The following RB1 variants were observed in gnomAD, a reference collection of about 807,000 sequenced individuals.
RB1 encodes the protein RB transcriptional corepressor 1, also known as retinoblastoma-associated protein.
A neutral mutation model predicts 135.4 loss-of-function variants in RB1; 18 were observed. The ratio of observed to expected loss-of-function variants is 0.13; its 90% confidence interval spans 0.09 to 0.20. The LOEUF is 0.20. Among genes scored for constraint, RB1 ranks in the 10% least tolerant of loss-of-function variants. The pLI is 1.00. For missense variants in RB1, 868 were observed against 1,110.0 expected (o/e 0.78, Z 3.10); for synonymous variants, 365 against 373.2 (o/e 0.98, Z 0.25).
rs570302701 is a variant in RB1 at position 48,397,550 on chromosome 13, G to T, written c.1695+16107G>T. On this transcript the variant is annotated intron_variant, in intron 17 of 26. Transcript: ENST00000267163. ...GGAAAAATACCTAATGTAGATGATG[G>T]GTTGATAGGTGCAGCAAACCACCAT... Among the ~76,000 whole-genome samples the T allele has an allele frequency of 4.6e-5, 7 of 152,082 alleles. No individual in the cohort carries two copies. In the East Asian group the frequency reaches 1.2e-3, roughly 25 times the overall value.
Position 48,463,833 on chromosome 13 carries a change from G to A in RB1, c.2209G>A (p.Glu737Lys), listed in dbSNP as rs587778868. Residue 737 changes from glutamate to lysine, a missense_variant and splice_region_variant, in exon 21 of 27, where the codon GAG becomes AAG. Physicochemically the swap from Glu to Lys is moderately conservative, Grantham distance 56 (BLOSUM62 1). Coordinates refer to ENST00000267163, the MANE Select transcript of RB1 (RefSeq NM_000321.3). ...CAAGGATCTTCCTCATGCTGTTCAG[G>A]AGGTAGGTAATTTTCCATAGTAAGT... Reference protein sequence around the residue: ...AYKDLPHAVQETFKRVLIKEE... With the variant: ...AYKDLPHAVQKTFKRVLIKEE... 1.9e-6 allele frequency: 3 copies of A among 1,584,172 alleles called. No individual in the cohort carries two copies. The highest frequency in any genetic ancestry group is 2.6e-6 in the Non-Finnish European group (3 of 1,153,124).
At chr13:48,394,002 C>T (rs529480158) in intron 17 of RB1, among the ~76,000 whole-genome samples, 3 of 152,284 alleles carry the variant, frequency 2.0e-5, no homozygotes, top group Non-Finnish European at 4.4e-5. Flanking sequence ...CAGCTGCCAG[C>T]GAGATCAACC....
intron 2 of RB1, among the ~76,000 whole-genome samples, chr13:48,326,820 T>G (rs1952291672): frequency 6.6e-6 from 1 of 152,104 alleles, no homozygotes; most frequent in Non-Finnish European, 1.5e-5. Context: ...TATTTTTTTT[T>G]GTCTGTGACT....
chr13:48,410,403 A>G (rs1042141932), intron 17 of RB1, among the ~76,000 whole-genome samples: 1 of 152,180 alleles, frequency 6.6e-6, no homozygotes, highest in Non-Finnish European at 1.5e-5. Context: ...GTAATAGTGT[A>G]TACCTTCTAG....
At chr13:48,367,705 T>C in intron 10 of RB1, 102 bp downstream of exon 10, 4 of 1,326,590 alleles carry the variant, frequency 3.0e-6, no homozygotes, top group Non-Finnish European at 4.1e-6. Context: ...AGATATCATT[T>C]ATAACAAATT....
At chr13:48,406,222 T>C (rs1196220991) in intron 17 of RB1, among the ~76,000 whole-genome samples, 1 of 152,124 alleles carries the variant, frequency 6.6e-6, no homozygotes, top group Non-Finnish European at 1.5e-5. Context: ...TATGTGTGTG[T>C]TAGATATTGC....
chr13:48,407,604 A>G (rs1948751652), intron 17 of RB1, among the ~76,000 whole-genome samples: 1 of 152,222 alleles, frequency 6.6e-6, no homozygotes, highest in East Asian at 1.9e-4. Context: ...TTGCTAAATA[A>G]GTAATGCTGT....
chr13:48,317,396 G>A (rs1370057081), intron 2 of RB1: 2 of 384,430 alleles, frequency 5.2e-6, no homozygotes, highest in Non-Finnish European at 9.5e-6. Flanking sequence ...CACGGGTTCC[G>A]GTGGGTGAAG....
At chr13:48,382,812 G>T (rs1948546010) in intron 17 of RB1, among the ~76,000 whole-genome samples, 1 of 152,048 alleles carries the variant, frequency 6.6e-6, no homozygotes, top group Non-Finnish European at 1.5e-5. Context: ...TTCTTCTAGG[G>T]TTTTTATGGT....
chr13:48,407,789 T>G (rs967033387), intron 17 of RB1, among the ~76,000 whole-genome samples: 3 of 152,176 alleles, frequency 2.0e-5, no homozygotes, highest in Non-Finnish European at 4.4e-5. Flanking sequence ...TTTGGAGTCT[T>G]TAAGATTTCA....
chr13:48,475,835 A>G (rs898386845), intron 24 of RB1, among the ~76,000 whole-genome samples: 6 of 152,204 alleles, frequency 3.9e-5, no homozygotes, highest in African/African-American at 1.4e-4. Context: ...ATAGTTCACG[A>G]TGGGCTCAGC....
rs931778094 is a variant in RB1, at chr13:48,311,898, G to A, written c.264+4492G>A. Among the ~76,000 whole-genome samples, 11 of 152,210 alleles carry A rather than the reference G, an allele frequency of 7.2e-5. No homozygotes were observed. In the East Asian group the frequency reaches 1.9e-3, roughly 27 times the overall value. The stretch of plus-strand genomic sequence containing the variant: ...TTTTTGTATTTTTAGTAGAGACGGG[G>A]TTTCACCGTGTTAGTCAGGCTGGTC... On this transcript the variant is annotated intron_variant, in intron 2 of 26. Coordinates refer to ENST00000267163, the MANE Select transcript of RB1 (RefSeq NM_000321.3).
chr13:48,311,921 GT>G (rs1265132375), intron 2 of RB1, among the ~76,000 whole-genome samples: 1 of 152,204 alleles, frequency 6.6e-6, no homozygotes, highest in Non-Finnish European at 1.5e-5. Context: ...AGTCAGGCTG[GT>G]CTCGAACTCC....
intron 12 of RB1, among the ~76,000 whole-genome samples, chr13:48,374,295 C>A (rs1952795418): frequency 6.6e-6 from 1 of 152,150 alleles, no homozygotes; most frequent in African/African-American, 2.4e-5. Flanking sequence ...ATATTGCTTG[C>A]TTGCTCCTTC....
chr13:48,323,624 A>C (rs1952260259), intron 2 of RB1, among the ~76,000 whole-genome samples: 1 of 152,086 alleles, frequency 6.6e-6, no homozygotes, highest in Non-Finnish European at 1.5e-5. Context: ...ATCATGTAAT[A>C]GTCAGATATA....
chr13:48,357,136 G>A (rs998845013), intron 6 of RB1, among the ~76,000 whole-genome samples: 2 of 150,230 alleles, frequency 1.3e-5, no homozygotes, highest in African/African-American at 4.9e-5. Flanking sequence ...AGGTTCTGCT[G>A]TTCATTTTAG....
At chr13:48,379,471 G>T in intron 13 of RB1, 123 bp from the exon 14 acceptor site, 1 of 1,276,944 alleles carries the variant, frequency 7.8e-7, no homozygotes, top group South Asian at 1.4e-5. Flanking sequence ...GATCTCTTGA[G>T]CCCAGGAGTG....
intron 2 of RB1, chr13:48,318,943 C>A: frequency 1.0e-6 from 1 of 991,732 alleles, no homozygotes; most frequent in South Asian, 1.3e-5. Context: ...AAGGCACGTT[C>A]AGGGAGTAGA....
intron 25 of RB1, 92 bp from the exon 26 acceptor site, chr13:48,477,263 A>C: frequency 1.1e-6 from 1 of 879,996 alleles, no homozygotes; most frequent in South Asian, 1.5e-5. Flanking sequence ...TAATAGCATA[A>C]AGTAAGTCAT....
Sources: allele counts gnomAD v4.1 joint callset (sites outside exome capture counted in the v4.1 genomes callset), GRCh38; gene constraint gnomAD v4.1.1; transcripts MANE v1.5; gene names NCBI Gene and HGNC (gene_info 2026-07-23, HGNC 2026-07-21).